Variants in ACKR3 observed in about 807,000 individuals in gnomAD.
The protein encoded by ACKR3 is atypical chemokine receptor 3.
ACKR3 carries 6 observed loss-of-function variants against 22.4 expected under a neutral mutation model. The ratio of observed to expected loss-of-function variants is 0.27; its 90% CI spans 0.15 to 0.53. ACKR3 has a LOEUF of 0.53. Among genes scored for constraint, ACKR3 ranks in the 20% least tolerant of loss-of-function variants. ACKR3 has a pLI of 0.96. For missense variants in ACKR3, 396 were observed against 475.2 expected (o/e 0.83, Z 1.55); for synonymous variants, 209 against 205.2 (o/e 1.02, Z -0.16).
upstream of ACKR3, among the ~76,000 whole-genome samples, chr2:236,564,422 A>G (rs190105698): frequency 1.3e-5 from 2 of 152,254 alleles, no homozygotes; most frequent in East Asian, 1.9e-4. Context: ...ATTTTGCTCA[A>G]TTTTTGTTCA....
In ACKR3 at chr2:236,581,740, G is replaced by T. The variant is rs191607547; in HGVS notation, c.*186G>T. On this transcript the variant is annotated 3_prime_UTR_variant, in exon 2 of 2. Transcript: ENST00000272928. This position sits in a 1 kb window ranked among gnomAD's most constrained non-coding sequence, Gnocchi z 4.4. ...TGACGCAGCTGTCATTTGGCTGTGCGTGCTGACAGTTTTGCAACAGGCAGA... is the reference window on the plus strand; with the variant it reads ...TGACGCAGCTGTCATTTGGCTGTGCTTGCTGACAGTTTTGCAACAGGCAGA... 6.6e-6 allele frequency: 5 copies of T among 762,288 alleles called. 1 individual carries two copies. In the South Asian group the frequency reaches 1.1e-4, roughly 16 times the overall value. 47.2% of individuals were successfully genotyped at this position (762,288 alleles called of 1,614,324 possible).
Position 236,574,097 on chromosome 2 carries a change from C to T in ACKR3, c.-27+4173C>T, listed in dbSNP as rs937192936. On this transcript the variant is annotated intron_variant, in intron 1 of 1. Coordinates refer to ENST00000272928, the MANE Select transcript of ACKR3 (RefSeq NM_020311.3). This position sits in a 1 kb window ranked among gnomAD's most constrained non-coding sequence, Gnocchi z 5.6. The stretch of plus-strand genomic sequence containing the variant: ...GGGCCTGCGTGCCTTCCCAATTAGC[C>T]GGCGGGGTCTCGGGGGTTGGGGGGA... 2.0e-5 allele frequency among the ~76,000 whole-genome samples: 3 copies of T among 151,970 alleles called. No homozygotes were observed. The highest frequency in any genetic ancestry group is 7.2e-5 in the African/African-American group (3 of 41,438).
the ACKR3 span, among the ~76,000 whole-genome samples, chr2:236,562,554 A>C: frequency 6.6e-6 from 1 of 152,208 alleles, no homozygotes; most frequent in South Asian, 2.1e-4. Flanking sequence ...AGGTAAGAGT[A>C]TGTTCAACTT....
At chr2:236,566,511 C>T (rs1433074744), upstream of ACKR3, among the ~76,000 whole-genome samples, 1 of 149,170 alleles carries the variant, frequency 6.7e-6, no homozygotes, top group Non-Finnish European at 1.5e-5. Context: ...TGAAAAACAG[C>T]AGGTGCAAGA....
chr2:236,576,081 A>T (rs1691407082), intron 1 of ACKR3, among the ~76,000 whole-genome samples: 1 of 152,110 alleles, frequency 6.6e-6, no homozygotes, highest in Non-Finnish European at 1.5e-5. Context: ...TGGCATGGGC[A>T]CTGAGGCCCT....
At chr2:236,578,745 C>T (rs2106507614) in intron 1 of ACKR3, among the ~76,000 whole-genome samples, 1 of 152,298 alleles carries the variant, frequency 6.6e-6, no homozygotes, top group Middle Eastern at 3.4e-3. Context: ...TCAAGTTGTC[C>T]CAAAGGAGAA....
At chr2:236,550,043 T>G in the ACKR3 span, among the ~76,000 whole-genome samples, 3 of 152,194 alleles carry the variant, frequency 2.0e-5, no homozygotes, top group African/African-American at 7.2e-5. The surrounding 1 kb of genome is among the most constrained non-coding windows in gnomAD (Gnocchi z 4.6). Flanking sequence ...GGGGCCCTTT[T>G]GACAAGGGCT....
At chr2:236,573,325 A>G (rs1028046471) in intron 1 of ACKR3, among the ~76,000 whole-genome samples, 3 of 152,180 alleles carry the variant, frequency 2.0e-5, no homozygotes, top group African/African-American at 7.2e-5. Flanking sequence ...TATCTGCTCA[A>G]GGAGACCAGA....
chr2:236,567,448 A>C (rs1691208830), upstream of ACKR3, among the ~76,000 whole-genome samples: 3 of 152,244 alleles, frequency 2.0e-5, no homozygotes. Flanking sequence ...CACTGAAAGC[A>C]CAATCTTCCA....
upstream of ACKR3, among the ~76,000 whole-genome samples, chr2:236,563,844 C>G (rs910222283): frequency 6.6e-6 from 1 of 152,170 alleles, no homozygotes; most frequent in Non-Finnish European, 1.5e-5. Flanking sequence ...TTACTGCAGC[C>G]GCTGTGCCCC....
chr2:236,578,706 C>T (rs768308561), intron 1 of ACKR3, among the ~76,000 whole-genome samples: 4 of 152,162 alleles, frequency 2.6e-5, no homozygotes, highest in African/African-American at 7.2e-5. Flanking sequence ...GCCGAGGCCG[C>T]GAAATTTCTC....
chr2:236,581,125 C>T lies in ACKR3; in HGVS notation c.660C>T (p.Gly220=), dbSNP rs1347374055. The T allele has an allele frequency of 3.7e-6, 6 of 1,614,116 alleles. No individual in the cohort carries two copies. The African/African-American group carries it at 8.0e-5, about 22-fold the overall frequency. Residue 220 remains glycine (G), a synonymous_variant, in exon 2 of 2, where the codon GGC becomes GGT. Coordinates refer to ENST00000272928, the MANE Select transcript of ACKR3 (RefSeq NM_020311.3). This position sits in a 1 kb window ranked among gnomAD's most constrained non-coding sequence, Gnocchi z 4.4. The part of the protein sequence containing the change: ...IGMELVSVVL[G]FAVPFSIIAV... Reference sequence around the variant, plus strand: ...TGGAGCTGGTCTCCGTTGTCTTGGGCTTTGCCGTTCCCTTCTCCATTATCG... The same window carrying T: ...TGGAGCTGGTCTCCGTTGTCTTGGGTTTTGCCGTTCCCTTCTCCATTATCG...
intron 1 of ACKR3, among the ~76,000 whole-genome samples, chr2:236,579,571 T>A (rs1691479196): frequency 1.3e-5 from 2 of 152,148 alleles, no homozygotes; most frequent in African/African-American, 4.8e-5. Context: ...TCACCTCAGG[T>A]CAGCAGGGAA....
the ACKR3 span, among the ~76,000 whole-genome samples, chr2:236,551,292 G>A: frequency 5.3e-5 from 8 of 152,146 alleles, no homozygotes; most frequent in South Asian, 6.2e-4. Context: ...CCTCCTACCC[G>A]GCCATTTGAG....
At chr2:236,567,864 C>G (rs1441411351), upstream of ACKR3, 1 of 152,574 alleles carries the variant, frequency 6.6e-6, no homozygotes, top group Admixed American at 6.6e-5. Flanking sequence ...CAAGTCTGGG[C>G]GCGGGGAAGG....
At chr2:236,558,483 A>G in the ACKR3 span, among the ~76,000 whole-genome samples, 2 of 152,152 alleles carry the variant, frequency 1.3e-5, no homozygotes, top group South Asian at 4.1e-4. Context: ...CTGGGAGACG[A>G]ATCCTGCTGA....
At chr2:236,552,362 G>C in the ACKR3 span, among the ~76,000 whole-genome samples, 472 of 152,132 alleles carry the variant, frequency 3.1e-3, 3 homozygotes, top group African/African-American at 0.011. Context: ...TATTATACAT[G>C]GTGAAAATTT....
chr2:236,538,722 G>C, the ACKR3 span, among the ~76,000 whole-genome samples: 1 of 152,008 alleles, frequency 6.6e-6, no homozygotes, highest in African/African-American at 2.4e-5. Flanking sequence ...AATACAGACT[G>C]CCTAATTAAA....
Position 236,580,950 on chromosome 2 carries a change from G to C in ACKR3, c.485G>C (p.Arg162Pro). The C allele has an allele frequency of 6.2e-7, 1 of 1,614,168 alleles. No homozygotes were observed. The highest frequency in any genetic ancestry group is 8.5e-7 in the Non-Finnish European group (1 of 1,180,040). The change falls in exon 2 of 2, where the codon CGT becomes CCT. Residue 162 changes from arginine (R) to proline (P), a missense_variant. Transcript: ENST00000272928. Reference protein sequence around the residue: ...TPSSRKKMVRRVVCILVWLLA... With the variant: ...TPSSRKKMVRPVVCILVWLLA... ...AGCAGCAGGAAGAAGATGGTACGCC[G>C]TGTCGTCTGCATCCTGGTGTGGCTG...
Sources: gnomAD v4.1 joint callset for allele counts (sites outside exome capture counted in the v4.1 genomes callset) on GRCh38, gnomAD v4.1.1 for gene constraint, Gnocchi (gnomAD v3.1) non-coding constraint, MANE v1.5 for transcripts, NCBI Gene and HGNC (gene_info 2026-07-23, HGNC 2026-07-21) for gene names.